The following ALOX5 variants were observed in gnomAD, a reference collection of about 807,000 sequenced individuals.
ALOX5 encodes arachidonate 5-lipoxygenase, also known as polyunsaturated fatty acid 5-lipoxygenase.
Under a neutral mutation model 87.9 loss-of-function variants are expected in ALOX5, and 64 were observed. The observed-to-expected ratio is 0.73, with a 90% CI of 0.60 to 0.90. ALOX5 has a LOEUF of 0.90. Among genes scored for constraint, ALOX5 ranks in the 40% least tolerant of loss-of-function variants. The pLI is 0.00. For missense variants in ALOX5, 822 were observed against 907.5 expected, an observed-to-expected ratio of 0.91 and a Z score of 1.21; for synonymous variants, 388 against 355.1, an observed-to-expected ratio of 1.09 and a Z score of -1.04.
chr10:45,428,451 A>G (rs1172668539), intron 6 of ALOX5, 167 bp from the exon 7 acceptor site: 3 of 827,886 alleles, frequency 3.6e-6, no homozygotes, highest in African/African-American at 3.4e-5. Flanking sequence ...AACACCTTCC[A>G]TGTGAATCAA....
chr10:45,394,425 C>A (rs888577786), intron 2 of ALOX5, among the ~76,000 whole-genome samples: 46 of 152,186 alleles, frequency 3.0e-4, no homozygotes, highest in Non-Finnish European at 5.9e-4. Context: ...AAGCTGGATC[C>A]CTTCCTTACA....
intron 2 of ALOX5, among the ~76,000 whole-genome samples, chr10:45,387,972 C>G (rs565729802): frequency 6.6e-6 from 1 of 152,298 alleles, no homozygotes; most frequent in African/African-American, 2.4e-5. Flanking sequence ...GTGGGGGCAG[C>G]CCATTGAGTG....
At chr10:45,395,531 A>T (rs897923906) in intron 2 of ALOX5, among the ~76,000 whole-genome samples, 1 of 152,114 alleles carries the variant, frequency 6.6e-6, no homozygotes, top group Non-Finnish European at 1.5e-5. Context: ...GGTGCAGCAC[A>T]CCAACATGAC....
At chr10:45,444,432 A>G in intron 13 of ALOX5, 146 bp downstream of exon 13, 1 of 1,128,136 alleles carries the variant, frequency 8.9e-7, no homozygotes, top group Non-Finnish European at 1.2e-6. Flanking sequence ...AGAAGGCTGC[A>G]GCCGCCACCA....
chr10:45,387,568 A>G (rs562588457), intron 2 of ALOX5, among the ~76,000 whole-genome samples: 1 of 152,250 alleles, frequency 6.6e-6, no homozygotes, highest in African/African-American at 2.4e-5. Context: ...TGAGGGGCTG[A>G]GTGGAAGGTT....
At chr10:45,379,489 C>T (rs1306416297) in intron 1 of ALOX5, among the ~76,000 whole-genome samples, 2 of 152,184 alleles carry the variant, frequency 1.3e-5, no homozygotes, top group Non-Finnish European at 2.9e-5. Context: ...TCCTTCTGGG[C>T]TTTGAGTGAA....
chr10:45,411,752 C>G (rs1410303986), intron 3 of ALOX5, among the ~76,000 whole-genome samples: 4 of 152,252 alleles, frequency 2.6e-5, no homozygotes, highest in Non-Finnish European at 4.4e-5. Context: ...GCAGGACATG[C>G]ACGCAGTCCA....
At chr10:45,400,026 T>C (rs1268879988) in intron 3 of ALOX5, among the ~76,000 whole-genome samples, 1 of 152,232 alleles carries the variant, frequency 6.6e-6, no homozygotes, top group East Asian at 1.9e-4. Context: ...ACTGGAACCC[T>C]GATGCTGCTA....
In ALOX5 at chr10:45,443,396, G is replaced by A. The variant is rs1159298759; in HGVS notation, c.1452-20G>A. 5 of 1,596,488 alleles carry A rather than the reference G, an allele frequency of 3.1e-6. No homozygotes were observed. Among genetic ancestry groups the A allele is most frequent in the Admixed American group, 1.8e-5 (1 of 56,186 alleles). On this transcript the variant is annotated intron_variant, in intron 10 of 13. Coordinates refer to ENST00000374391, the MANE Select transcript of ALOX5 (RefSeq NM_000698.5). ...CAGACCTGGCTGGGTCGCCCACCCCGGCTGCGCCCCCTGAGCCAGGTTCAC... is the reference window on the plus strand; with the variant it reads ...CAGACCTGGCTGGGTCGCCCACCCCAGCTGCGCCCCCTGAGCCAGGTTCAC...
chr10:45,419,312 G>C (rs1370113377), intron 4 of ALOX5, among the ~76,000 whole-genome samples: 44 of 151,012 alleles, frequency 2.9e-4, no homozygotes, highest in Admixed American at 2.9e-3. Flanking sequence ...GGCCGGGGGG[G>C]TCATTTACAA....
At position 45,445,657 on chromosome 10, in the gene ALOX5, A is replaced by C. The variant is rs1842416959; in HGVS notation, c.1995A>C (p.Pro665=). The C allele has an allele frequency of 1.9e-6, 3 of 1,613,876 alleles. No individual in the cohort carries two copies. Among genetic ancestry groups the C allele is most frequent in the Non-Finnish European group, 2.5e-6 (3 of 1,179,976 alleles). ...AGCTGCCATATTACTACTTGTCCCCAGACCGGATTCCGAACAGTGTGGCCA... is the reference window on the plus strand; with the variant it reads ...AGCTGCCATATTACTACTTGTCCCCCGACCGGATTCCGAACAGTGTGGCCA... ...KKQLPYYYLS[P]DRIPNSVAI is the part of the protein sequence containing the mutation. Residue 665 remains proline, a synonymous_variant, in exon 14 of 14, where the codon CCA becomes CCC. Coordinates refer to ENST00000374391, the MANE Select transcript of ALOX5 (RefSeq NM_000698.5).
chr10:45,419,952 G>A (rs1841445182), intron 4 of ALOX5, among the ~76,000 whole-genome samples: 1 of 152,146 alleles, frequency 6.6e-6, no homozygotes, highest in South Asian at 2.1e-4. Context: ...AGAGGAGGGG[G>A]CCTGCTGGCC....
At chr10:45,419,508 C>T (rs959697574) in intron 4 of ALOX5, among the ~76,000 whole-genome samples, 7 of 152,214 alleles carry the variant, frequency 4.6e-5, no homozygotes, top group South Asian at 4.1e-4. Context: ...CACCGGCCCT[C>T]CCCCAGCCCC....
Position 45,428,625 on chromosome 10 carries a change from A to C in ALOX5, c.842A>C (p.Asn281Thr), listed in dbSNP as rs755519785. The C allele has an allele frequency of 6.2e-7, 1 of 1,614,138 alleles. No homozygotes were observed. The highest frequency in any genetic ancestry group is 8.5e-7 in the Non-Finnish European group (1 of 1,180,012). Residue 281 changes from asparagine (N) to threonine (T), a missense_variant, in exon 7 of 14, where the codon AAC becomes ACC. Transcript: ENST00000374391. ...TCTCTCTGCCTCCTGCAGCAAGGGA[A>C]CATTTTCATCGTGGACTTTGAGCTG... ...LSLEQEVQQG[N>T]IFIVDFELLD...
chr10:45,385,947 A>T (rs1839991606), intron 2 of ALOX5, among the ~76,000 whole-genome samples: 1 of 152,190 alleles, frequency 6.6e-6, no homozygotes, highest in Admixed American at 6.5e-5. Context: ...TGAAGCCTAT[A>T]GTTCCAGCAC....
chr10:45,443,566 G>C, intron 11 of ALOX5, 29 bp downstream of exon 11: 1 of 1,602,368 alleles, frequency 6.2e-7, no homozygotes, highest in Non-Finnish European at 8.5e-7. Flanking sequence ...CTCCGGACCC[G>C]GCTCCCCCGC....
At chr10:45,427,470 AAGG>A (rs1026311670) in intron 6 of ALOX5, among the ~76,000 whole-genome samples, 2 of 152,044 alleles carry the variant, frequency 1.3e-5, no homozygotes, top group Non-Finnish European at 2.9e-5. Context: ...ACACCACATA[AAGG>A]AGGAGGGCGG....
intron 4 of ALOX5, among the ~76,000 whole-genome samples, chr10:45,417,285 T>A (rs1410968898): frequency 2.0e-5 from 3 of 152,146 alleles, no homozygotes; most frequent in Non-Finnish European, 4.4e-5. Flanking sequence ...CCTGTGTGTT[T>A]AGTGTTACAG....
intron 1 of ALOX5, 147 bp downstream of exon 1, chr10:45,374,576 C>T: frequency 1.3e-6 from 1 of 774,688 alleles, no homozygotes. Flanking sequence ...TCAGGGAGGG[C>T]AGAACTGCGG....
Sources: allele counts gnomAD v4.1 joint callset (sites outside exome capture counted in the v4.1 genomes callset), GRCh38; gene constraint gnomAD v4.1.1; transcripts MANE v1.5; gene names NCBI Gene and HGNC (gene_info 2026-07-23, HGNC 2026-07-21).